Variants in SLC66A1 observed in about 807,000 individuals in gnomAD.
SLC66A1 encodes lysosomal amino acid transporter 1 homolog.
A neutral mutation model predicts 33.0 loss-of-function variants in SLC66A1; 23 were observed. That is an observed-to-expected ratio of 0.70 (90% CI 0.50 to 0.99). SLC66A1 has a LOEUF of 0.99. Among genes scored for constraint, SLC66A1 ranks in the 50% least tolerant of loss-of-function variants. SLC66A1 has a pLI of 0.00. For missense variants in SLC66A1, 335 were observed against 383.6 expected, an observed-to-expected ratio of 0.87 and a Z score of 1.06; for synonymous variants, 164 against 175.5, an observed-to-expected ratio of 0.93 and a Z score of 0.52.
At chr1:19,324,789 G>A (rs372018985) in intron 3 of SLC66A1, 27 bp downstream of exon 3, 70 of 1,612,306 alleles carry the variant, frequency 4.3e-5, no homozygotes, top group Admixed American at 8.3e-5. Context: ...GCAAGGTGGC[G>A]CTACCCCTAA....
intron 2 of SLC66A1, among the ~76,000 whole-genome samples, chr1:19,321,541 A>G (rs1263135800): frequency 8.1e-5 from 12 of 148,336 alleles, no homozygotes; most frequent in African/African-American, 2.9e-4. Context: ...CATTTTGTAA[A>G]TGATGTGAAG....
At chr1:19,323,236 AGAAAGATTTCTGAAAGGGAGGAT>A (rs926827213) in intron 2 of SLC66A1, among the ~76,000 whole-genome samples, 2 of 152,020 alleles carry the variant, frequency 1.3e-5, no homozygotes, top group Non-Finnish European at 2.9e-5. Context: ...TGGGGGTTTT[AGAAAGATTTCTGAAAGGGAGGAT>A]GAAAGATTTC....
downstream of SLC66A1, among the ~76,000 whole-genome samples, chr1:19,330,157 C>A (rs376192554): frequency 6.6e-6 from 1 of 152,024 alleles, no homozygotes; most frequent in East Asian, 1.9e-4. Flanking sequence ...ATTCCACTTT[C>A]CTGGGGGTCA....
chr1:19,326,372 G>A lies in SLC66A1; in HGVS notation c.510G>A (p.Val170=). ...EAFRGRALLS[V]ESGSKPFTRQ... ...TCCGGGGGCGGGCGCTCCTGTCCGT[G>A]GAGTCGGGCAGCAAGGTGAGGCGTG... The change falls in exon 5 of 8, where the codon GTG becomes GTA. Residue 170 remains valine, a synonymous_variant. Transcript: ENST00000375153. The A allele has an allele frequency of 6.2e-7, 1 of 1,607,020 alleles. No individual in the cohort carries two copies. Among genetic ancestry groups the A allele is most frequent in the Non-Finnish European group, 8.5e-7 (1 of 1,178,962 alleles).
intron 1 of SLC66A1, among the ~76,000 whole-genome samples, chr1:19,316,489 CGATTCT>C (rs543746515): frequency 7.1e-4 from 107 of 151,514 alleles, no homozygotes; most frequent in African/African-American, 2.4e-3. Flanking sequence ...TGGGCTCAAG[CGATTCT>C]TCCACCTCAG....
At chr1:19,313,730 G>C (rs2093790046) in intron 1 of SLC66A1, among the ~76,000 whole-genome samples, 1 of 152,204 alleles carries the variant, frequency 6.6e-6, no homozygotes, top group Non-Finnish European at 1.5e-5. Flanking sequence ...AAGGTTGGGA[G>C]GGCAGTTCTT....
intron 4 of SLC66A1, among the ~76,000 whole-genome samples, chr1:19,325,827 C>T (rs1486436369): frequency 6.6e-6 from 1 of 152,212 alleles, no homozygotes; most frequent in African/African-American, 2.4e-5. Context: ...GGGGCTCATT[C>T]AGCAGACACA....
chr1:19,327,501 C>A, intron 7 of SLC66A1, 89 bp downstream of exon 7: 1 of 1,364,028 alleles, frequency 7.3e-7, no homozygotes, highest in Non-Finnish European at 1.0e-6. Flanking sequence ...CCGTCTCTTC[C>A]TCCCTTCATC....
Position 19,328,770 on chromosome 1 carries a change from C to A in SLC66A1, c.*127C>A. On this transcript the variant is annotated 3_prime_UTR_variant, in exon 8 of 8. Coordinates refer to ENST00000375153, the MANE Select transcript of SLC66A1 (RefSeq NM_001040125.2). This position sits in a 1 kb window ranked among gnomAD's most constrained non-coding sequence, Gnocchi z 4.7. ...GGGTGGCCTCTGGATCCTCCGTGGA[C>A]CGAACCGTCCCCCCAGGAACACACC... is the stretch of plus-strand genomic sequence containing the variant. The A allele has an allele frequency of 1.0e-6, 1 of 999,474 alleles. No homozygotes were observed. The highest frequency in any genetic ancestry group is 1.5e-6 in the Non-Finnish European group (1 of 674,668). 61.9% of individuals were successfully genotyped at this position (999,474 alleles called of 1,614,324 possible). A position where few individuals can be genotyped will look rare whatever the true frequency, so the allele number is the denominator to read the frequency against.
At chr1:19,325,427 G>C (rs2093858681) in intron 3 of SLC66A1, 68 bp from the exon 4 acceptor site, 1 of 1,121,830 alleles carries the variant, frequency 8.9e-7, no homozygotes, top group African/African-American at 1.5e-5. Flanking sequence ...ATATGACAGA[G>C]GGCTGCCGGG....
intron 1 of SLC66A1, 96 bp from the exon 2 acceptor site, chr1:19,317,504 G>A (rs753336482): frequency 4.1e-5 from 57 of 1,375,970 alleles, no homozygotes; most frequent in Non-Finnish European, 5.1e-5. Context: ...AGGGCCAGGA[G>A]CCCCGTGAAA....
intron 5 of SLC66A1, 42 bp downstream of exon 5, chr1:19,326,429 C>T (rs536775264): frequency 3.1e-6 from 5 of 1,606,588 alleles, no homozygotes; most frequent in East Asian, 2.2e-5. Context: ...GAGGCTGGCT[C>T]ATCCCCAGGG....
downstream of SLC66A1, among the ~76,000 whole-genome samples, chr1:19,332,357 G>A (rs1020209937): frequency 4.6e-5 from 7 of 152,300 alleles, no homozygotes; most frequent in Admixed American, 1.3e-4. Flanking sequence ...AGATGAGCAC[G>A]GAGGCTCGTG....
intron 1 of SLC66A1, among the ~76,000 whole-genome samples, chr1:19,316,366 T>C (rs1337453001): frequency 6.8e-6 from 1 of 147,252 alleles, no homozygotes; most frequent in Non-Finnish European, 1.5e-5. Flanking sequence ...TGTGTGTGTG[T>C]GTGTGTGTGT....
At chr1:19,327,952 T>C (rs1343504065) in intron 7 of SLC66A1, 4 of 261,038 alleles carry the variant, frequency 1.5e-5, no homozygotes, top group Admixed American at 4.8e-5. Flanking sequence ...CTCCCCTGCT[T>C]CCTAGCTGTG....
chr1:19,313,214 C>A, intron 1 of SLC66A1: 2 of 985,422 alleles, frequency 2.0e-6, no homozygotes, highest in Non-Finnish European at 2.4e-6. Flanking sequence ...AGGCATCGGG[C>A]AGGTCTGTTC....
chr1:19,313,129 G>T (rs2093785952), intron 1 of SLC66A1: 1 of 891,566 alleles, frequency 1.1e-6, no homozygotes, highest in South Asian at 5.1e-5. Context: ...GTCAGCCTAG[G>T]TGGTGGGTAT....
At chr1:19,329,636 G>A (rs1293244294), downstream of SLC66A1, among the ~76,000 whole-genome samples, 1 of 152,220 alleles carries the variant, frequency 6.6e-6, no homozygotes, top group Non-Finnish European at 1.5e-5. Flanking sequence ...TATCTCATCT[G>A]TGAAATGGAC....
chr1:19,327,934 C>T (rs1295736448), intron 7 of SLC66A1: 1 of 266,740 alleles, frequency 3.7e-6, no homozygotes, highest in South Asian at 3.9e-5. Context: ...GGGTTCAAAT[C>T]CTGGCTCCTC....
Sources: allele counts gnomAD v4.1 joint callset (sites outside exome capture counted in the v4.1 genomes callset), GRCh38; gene constraint gnomAD v4.1.1; non-coding constraint Gnocchi (gnomAD v3.1); transcripts MANE v1.5; gene names NCBI Gene and HGNC (gene_info 2026-07-23, HGNC 2026-07-21).